Variants in ADARB2 observed in about 807,000 individuals in gnomAD.
ADARB2 encodes the protein adenosine deaminase RNA specific B2 (inactive), also known as inactive double-stranded RNA-specific editase B2.
ADARB2 carries 25 observed loss-of-function variants against 62.2 expected under a neutral mutation model. The observed-to-expected ratio is 0.40, with a 90% CI of 0.29 to 0.56. The LOEUF is 0.56. ADARB2 is among the 20% of genes least tolerant of loss of function. ADARB2 has a pLI of 0.43. For missense variants in ADARB2, 1,071 were observed against 1,077.4 expected (o/e 0.99, Z 0.08); for synonymous variants, 572 against 500.8 (o/e 1.14, Z -1.90).
chr10:1,574,046 T>TA (rs1384979223), intron 1 of ADARB2, among the ~76,000 whole-genome samples: 1 of 152,192 alleles, frequency 6.6e-6, no homozygotes, highest in East Asian at 1.9e-4. Flanking sequence ...CAAAGTGTCT[T>TA]ATATCTGAAA....
intron 1 of ADARB2, among the ~76,000 whole-genome samples, chr10:1,557,772 G>A (rs1832725934): frequency 6.6e-6 from 1 of 152,074 alleles, no homozygotes. Context: ...ATTAGCTGGG[G>A]GTAGTGGTGG....
intron 1 of ADARB2, among the ~76,000 whole-genome samples, chr10:1,412,366 G>GT (rs200669458): frequency 1.0e-3 from 148 of 147,902 alleles, no homozygotes; most frequent in East Asian, 8.0e-3. Context: ...TAAAAGATGT[G>GT]TTTTTTTTTT....
chr10:1,359,770 C>G (rs531876735), intron 3 of ADARB2, among the ~76,000 whole-genome samples: 1 of 152,202 alleles, frequency 6.6e-6, no homozygotes, highest in African/African-American at 2.4e-5. Context: ...ATGACAAGCT[C>G]CAGCCGCAGT....
In ADARB2 at chr10:1,183,182, G is replaced by A. The variant is rs758818786; in HGVS notation, c.*11C>T. On this transcript the variant is annotated 3_prime_UTR_variant, in exon 10 of 10. Coordinates refer to ENST00000381312, the MANE Select transcript of ADARB2 (RefSeq NM_018702.4). ...CGTCCCGCTCAGCTCCAGCAGCCAG[G>A]AGCCCGCAGCCTAGAGAGTCAGTAG... 10 of 1,610,546 alleles carry A rather than the reference G, an allele frequency of 6.2e-6. No individual in the cohort carries two copies. In the African/African-American group the frequency reaches 9.3e-5, roughly 15 times the overall value.
At chr10:1,694,357 G>A (rs1443024249) in intron 1 of ADARB2, among the ~76,000 whole-genome samples, 1 of 152,252 alleles carries the variant, frequency 6.6e-6, no homozygotes, top group Non-Finnish European at 1.5e-5. Context: ...CTTGCAAACT[G>A]TCAGGTAGAA....
chr10:1,250,024 T>C (rs1385301971), intron 4 of ADARB2, among the ~76,000 whole-genome samples: 1 of 109,594 alleles, frequency 9.1e-6, no homozygotes, highest in East Asian at 3.9e-4. Flanking sequence ...CCAAGGACTA[T>C]AGTGAATAAA....
chr10:1,400,893 G>A (rs35429538), intron 1 of ADARB2, among the ~76,000 whole-genome samples: 1 of 152,128 alleles, frequency 6.6e-6, no homozygotes, highest in Non-Finnish European at 1.5e-5. Flanking sequence ...CAGCTGTTTT[G>A]CAGCTAAGGC....
intron 1 of ADARB2, among the ~76,000 whole-genome samples, chr10:1,606,123 T>G (rs1833490350): frequency 6.6e-6 from 1 of 152,210 alleles, no homozygotes; most frequent in East Asian, 1.9e-4. Context: ...TGGGCTGGGT[T>G]TCAGGTTCTC....
intron 6 of ADARB2, among the ~76,000 whole-genome samples, chr10:1,220,386 T>G (rs1427113241): frequency 2.0e-5 from 3 of 150,786 alleles, no homozygotes; most frequent in African/African-American, 4.9e-5. Context: ...ATGGTGGTGG[T>G]GATGATGGTG....
At position 1,483,772 on chromosome 10, in the gene ADARB2, T is replaced by C. The variant is rs1217510803; in HGVS notation, c.101-104612A>G. ...CAGGAGAGACTGTAATACGACGTTG[T>C]TTAGTCAAGTTAGTGTTGAGCTTGC... On this transcript the variant is annotated intron_variant, in intron 1 of 9. Coordinates refer to ENST00000381312, the MANE Select transcript of ADARB2 (RefSeq NM_018702.4). Among the ~76,000 whole-genome samples, 4 of 148,860 alleles carry C rather than the reference T, an allele frequency of 2.7e-5. No individual in the cohort carries two copies. The East Asian group carries it at 7.7e-4, about 29-fold the overall frequency.
chr10:1,310,645 C>T (rs760123703), intron 3 of ADARB2, among the ~76,000 whole-genome samples: 7 of 152,094 alleles, frequency 4.6e-5, no homozygotes, highest in Admixed American at 1.3e-4. Context: ...GAGGCTGCTG[C>T]GCTCCAGTCG....
chr10:1,601,846 A>G (rs1181899448), intron 1 of ADARB2, among the ~76,000 whole-genome samples: 1 of 152,244 alleles, frequency 6.6e-6, no homozygotes, highest in East Asian at 1.9e-4. Context: ...TTCAGTTTCA[A>G]TAGAAAACTA....
chr10:1,528,208 G>C (rs1029994048), intron 1 of ADARB2, among the ~76,000 whole-genome samples: 1 of 152,194 alleles, frequency 6.6e-6, no homozygotes, highest in Non-Finnish European at 1.5e-5. Context: ...GTTACTGTGC[G>C]ATACAGCAGC....
In ADARB2 at chr10:1,558,435, C is replaced by T. The variant is rs1482059917; in HGVS notation, c.100+178616G>A. The stretch of plus-strand genomic sequence containing the variant: ...TCCGTGGGTGCTCAGCACCCCCATG[C>T]CCCATCTAAATCCACATCCCACCTC... On this transcript the variant is annotated intron_variant, in intron 1 of 9. Coordinates refer to ENST00000381312, the MANE Select transcript of ADARB2 (RefSeq NM_018702.4). Among the ~76,000 whole-genome samples the T allele has an allele frequency of 8.0e-4, 98 of 122,130 alleles. 7 individuals are homozygous for T. The Admixed American group carries it at 8.1e-3, about 10-fold the overall frequency. 80.1% of individuals were successfully genotyped at this position (122,130 alleles called of 152,430 possible).
At chr10:1,234,114 G>T (rs1047829401) in intron 5 of ADARB2, among the ~76,000 whole-genome samples, 1 of 151,702 alleles carries the variant, frequency 6.6e-6, no homozygotes, top group African/African-American at 2.4e-5. Context: ...TCAGCCTCCC[G>T]AGTAGCTGGG....
intron 3 of ADARB2, among the ~76,000 whole-genome samples, chr10:1,328,397 A>G (rs1456572759): frequency 6.6e-6 from 1 of 152,290 alleles, no homozygotes; most frequent in Admixed American, 6.5e-5. Context: ...TGGGTTTAGA[A>G]GTTGTGTTAG....
Position 1,639,583 on chromosome 10 carries a change from G to A in ADARB2, c.100+97468C>T, listed in dbSNP as rs187597772. On this transcript the variant is annotated intron_variant, in intron 1 of 9. Coordinates refer to ENST00000381312, the MANE Select transcript of ADARB2 (RefSeq NM_018702.4). ...AAGAGGGCCGGGCGCAGTGGCTCAC[G>A]CCTGTCATCCCAGCACTTTGGGAGG... Among the ~76,000 whole-genome samples the A allele has an allele frequency of 5.4e-3, 820 of 152,302 alleles. 4 individuals carry two copies. Among genetic ancestry groups the A allele is most frequent in the Middle Eastern group, 0.02 (6 of 294 alleles).
intron 1 of ADARB2, among the ~76,000 whole-genome samples, chr10:1,571,442 T>C (rs900243180): frequency 1.3e-5 from 2 of 152,198 alleles, no homozygotes; most frequent in African/African-American, 4.8e-5. Flanking sequence ...AACAGATAAA[T>C]GGTGTGGAGT....
chr10:1,568,147 G>T (rs989295746), intron 1 of ADARB2, among the ~76,000 whole-genome samples: 4 of 152,240 alleles, frequency 2.6e-5, no homozygotes, highest in African/African-American at 7.2e-5. Flanking sequence ...GTGTCACCTC[G>T]CAGGGCCTGA....
Sources: allele counts gnomAD v4.1 joint callset (sites outside exome capture counted in the v4.1 genomes callset), GRCh38; gene constraint gnomAD v4.1.1; transcripts MANE v1.5; gene names NCBI Gene and HGNC (gene_info 2026-07-23, HGNC 2026-07-21).